The following RNF180 variants were observed in gnomAD, a reference collection of about 807,000 sequenced individuals.
The protein encoded by RNF180 is ring finger protein 180.
Under a neutral mutation model 59.2 loss-of-function variants are expected in RNF180, and 38 were observed. The observed-to-expected ratio is 0.64, with a 90% CI of 0.50 to 0.84. The LOEUF is 0.84. Ranked by LOEUF, RNF180 falls within the 40% of genes least tolerant of loss-of-function variation. The probability of loss-of-function intolerance (pLI) is 0.00; values close to 1 mark genes in which losing one functional copy is unlikely to be tolerated. For missense variants in RNF180, 705 were observed against 700.9 expected (o/e 1.01, Z -0.07); for synonymous variants, 262 against 240.3 (o/e 1.09, Z -0.84).
At position 64,217,279 on chromosome 5, in the gene RNF180, TA is replaced by T. The variant is rs1752679792; in HGVS notation, c.1192-81del. On this transcript the variant is annotated intron_variant, in intron 4 of 7. Coordinates refer to ENST00000389100, the MANE Select transcript of RNF180 (RefSeq NM_001113561.2). ...CTGCTGAAGGACAAGTGGATTGTTT[TA>T]GGTTTTGCAAATTATGAATAGAACT... is the stretch of plus-strand genomic sequence containing the variant. 15 of 1,311,976 alleles carry T rather than the reference TA, an allele frequency of 1.1e-5. No individual in the cohort carries two copies. The South Asian group carries it at 3.9e-4, about 34-fold the overall frequency. 81.3% of individuals were successfully genotyped at this position (1,311,976 alleles called of 1,614,324 possible).
intron 2 of RNF180, among the ~76,000 whole-genome samples, chr5:64,203,911 C>T (rs1751877284): frequency 6.6e-6 from 1 of 151,872 alleles, no homozygotes; most frequent in Non-Finnish European, 1.5e-5. Flanking sequence ...TGAAAGGATC[C>T]TTTAAAGGAA....
intron 5 of RNF180, among the ~76,000 whole-genome samples, chr5:64,248,397 GA>G (rs1352547334): frequency 6.6e-6 from 1 of 151,960 alleles, no homozygotes; most frequent in African/African-American, 2.4e-5. Context: ...CAAAGAACTT[GA>G]ACAAATTTAC....
chr5:64,311,513 G>T (rs917830436), intron 5 of RNF180, among the ~76,000 whole-genome samples: 1 of 151,904 alleles, frequency 6.6e-6, no homozygotes, highest in Non-Finnish European at 1.5e-5. Context: ...AAAGGAGTCT[G>T]CAAGTTCTCT....
intron 5 of RNF180, among the ~76,000 whole-genome samples, chr5:64,286,220 A>T (rs975488681): frequency 1.3e-5 from 2 of 152,236 alleles, no homozygotes; most frequent in South Asian, 4.1e-4. Flanking sequence ...ATTAACAAGT[A>T]TGTATTTAAG....
At chr5:64,288,058 C>T (rs1742378718) in intron 5 of RNF180, among the ~76,000 whole-genome samples, 1 of 151,964 alleles carries the variant, frequency 6.6e-6, no homozygotes, top group African/African-American at 2.4e-5. Context: ...ATATTTAATC[C>T]ATGTTGTCTT....
intron 5 of RNF180, among the ~76,000 whole-genome samples, chr5:64,252,317 G>A (rs532250698): frequency 6.6e-6 from 1 of 152,208 alleles, no homozygotes; most frequent in African/African-American, 2.4e-5. Context: ...GGAGATATTG[G>A]TCAAAGGATA....
At position 64,252,763 on chromosome 5, in the gene RNF180, G is replaced by T. The variant is rs991160400; in HGVS notation, c.1227+35367G>T. ...AGAAGAAAACAGTGGATCTAAAGAG[G>T]CTTCATGACATGGGGGTTGGAAGCC... On this transcript the variant is annotated intron_variant, in intron 5 of 7. Transcript: ENST00000389100. Among the ~76,000 whole-genome samples the T allele has an allele frequency of 3.3e-5, 5 of 152,110 alleles. No homozygotes were observed. The South Asian group carries it at 8.3e-4, about 25-fold the overall frequency.
chr5:64,332,234 A>G (rs751749132), intron 7 of RNF180, among the ~76,000 whole-genome samples: 26 of 152,310 alleles, frequency 1.7e-4, no homozygotes, highest in Middle Eastern at 3.4e-3. Flanking sequence ...TGGCTGGTGA[A>G]GTGACACCCT....
chr5:64,317,690 C>T (rs1744129397), intron 5 of RNF180, among the ~76,000 whole-genome samples: 1 of 151,572 alleles, frequency 6.6e-6, no homozygotes, highest in African/African-American at 2.4e-5. Flanking sequence ...GTCCAAGACC[C>T]CCCAGTGGAT....
intron 5 of RNF180, among the ~76,000 whole-genome samples, chr5:64,276,326 G>GTGTGTC (rs1741714515): frequency 1.5e-5 from 2 of 134,318 alleles, no homozygotes; most frequent in African/African-American, 5.7e-5. Context: ...ATTGGTGTGT[G>GTGTGTC]TGTGTGTGTG....
chr5:64,303,013 C>A (rs901996194), intron 5 of RNF180, among the ~76,000 whole-genome samples: 1 of 151,582 alleles, frequency 6.6e-6, no homozygotes, highest in Non-Finnish European at 1.5e-5. Flanking sequence ...AGAATGTTCT[C>A]TTTTTGTGTC....
intron 7 of RNF180, among the ~76,000 whole-genome samples, chr5:64,339,704 T>A: frequency 6.6e-6 from 1 of 151,996 alleles, no homozygotes; most frequent in East Asian, 1.9e-4. Flanking sequence ...TTTTTTTTTT[T>A]CACACACACA....
chr5:64,366,781 T>C (rs1419217603), intron 7 of RNF180, among the ~76,000 whole-genome samples: 1 of 151,568 alleles, frequency 6.6e-6, no homozygotes, highest in African/African-American at 2.4e-5. Flanking sequence ...GTCCCAGAGA[T>C]GAAGTGAAAA....
At chr5:64,222,432 G>A (rs1357877772) in intron 5 of RNF180, among the ~76,000 whole-genome samples, 5 of 152,174 alleles carry the variant, frequency 3.3e-5, no homozygotes. Flanking sequence ...ATCAGCAAAG[G>A]GAGGGGGTAC....
At chr5:64,271,812 TG>T (rs769312254) in intron 5 of RNF180, among the ~76,000 whole-genome samples, 62 of 152,208 alleles carry the variant, frequency 4.1e-4, no homozygotes, top group Non-Finnish European at 7.9e-4. Context: ...ATGAGTTTTT[TG>T]GTTTTTATTT....
chr5:64,265,738 A>T (rs1456716568), intron 5 of RNF180, among the ~76,000 whole-genome samples: 1 of 152,134 alleles, frequency 6.6e-6, no homozygotes, highest in Non-Finnish European at 1.5e-5. Context: ...TGAAATTTAA[A>T]GTAGTTTTTT....
chr5:64,293,439 GA>G (rs1305244229), intron 5 of RNF180, among the ~76,000 whole-genome samples: 9 of 151,954 alleles, frequency 5.9e-5, no homozygotes, highest in African/African-American at 2.2e-4. Flanking sequence ...TCCTATGATT[GA>G]AACTCTTCTT....
At chr5:64,199,718 T>TA (rs1298498027) in intron 1 of RNF180, among the ~76,000 whole-genome samples, 3 of 152,238 alleles carry the variant, frequency 2.0e-5, no homozygotes, top group Admixed American at 6.5e-5. Context: ...CCCATGTGGG[T>TA]AGCCTGATAA....
intron 6 of RNF180, among the ~76,000 whole-genome samples, chr5:64,327,022 A>C (rs1414964746): frequency 6.6e-6 from 1 of 152,042 alleles, no homozygotes; most frequent in Non-Finnish European, 1.5e-5. Context: ...CTCTTTGTTC[A>C]ATCTTGGTAG....
Sources: allele counts gnomAD v4.1 joint callset (sites outside exome capture counted in the v4.1 genomes callset), GRCh38; gene constraint gnomAD v4.1.1; transcripts MANE v1.5; gene names NCBI Gene and HGNC (gene_info 2026-07-23, HGNC 2026-07-21).